Variants in ZPLD1 observed in about 807,000 individuals in gnomAD.
ZPLD1 encodes the protein zona pellucida like domain containing 1.
In ZPLD1, 34 loss-of-function variants were observed where a neutral mutation model predicts 47.2. The observed-to-expected ratio is 0.72, with a 90% CI of 0.55 to 0.96. ZPLD1 has a LOEUF of 0.96. Ranked by LOEUF, ZPLD1 falls within the 40% of genes least tolerant of loss-of-function variation. ZPLD1 has a pLI of 0.00. For missense variants in ZPLD1, 512 were observed against 505.8 expected, an observed-to-expected ratio of 1.01 and a Z score of -0.12; for synonymous variants, 176 against 186.2, an observed-to-expected ratio of 0.95 and a Z score of 0.45.
intron 8 of ZPLD1, among the ~76,000 whole-genome samples, chr3:102,426,098 T>C (rs938769885): frequency 6.6e-6 from 1 of 150,900 alleles, no homozygotes; most frequent in Non-Finnish European, 1.5e-5. Context: ...CTTTAACATT[T>C]TGACATATTT....
chr3:102,454,635 C>A (rs909116627), intron 4 of ZPLD1, among the ~76,000 whole-genome samples: 1 of 152,230 alleles, frequency 6.6e-6, no homozygotes, highest in Non-Finnish European at 1.5e-5. Flanking sequence ...GTGGGCAGAT[C>A]ACCTGAGGTC....
rs532257784 is a variant in ZPLD1 at position 102,444,980 on chromosome 3, A to C, written c.106+6387A>C. 6.8e-4 allele frequency among the ~76,000 whole-genome samples: 104 copies of C among 152,238 alleles called. 1 individual carries two copies. Among genetic ancestry groups the C allele is most frequent in the Non-Finnish European group, 6.9e-4 (47 of 68,010 alleles). ...TTCTGATTCCCCAAGACTGCATGTC[A>C]CACATGCTCAGGAAAGGTCCACTTA... On this transcript the variant is annotated intron_variant, in intron 3 of 11. Transcript: ENST00000466937.
At chr3:102,409,431 G>T (rs955375634) in intron 7 of ZPLD1, among the ~76,000 whole-genome samples, 3 of 151,698 alleles carry the variant, frequency 2.0e-5, no homozygotes, top group African/African-American at 7.3e-5. Context: ...CATGGGTTTT[G>T]GAGGAGACAT....
intron 4 of ZPLD1, among the ~76,000 whole-genome samples, chr3:102,455,377 C>G (rs184225310): frequency 6.6e-5 from 10 of 152,234 alleles, no homozygotes; most frequent in Admixed American, 3.3e-4. Flanking sequence ...GAAAGCTAAG[C>G]AGACCCTAGA....
At chr3:102,423,915 A>G (rs1184233514) in intron 8 of ZPLD1, among the ~76,000 whole-genome samples, 2 of 152,186 alleles carry the variant, frequency 1.3e-5, no homozygotes, top group African/African-American at 4.8e-5. Context: ...TCTACTCTTC[A>G]GCTGTAGATC....
chr3:102,420,160 G>A (rs1445208561), intron 8 of ZPLD1, among the ~76,000 whole-genome samples: 1 of 151,814 alleles, frequency 6.6e-6, no homozygotes, highest in Non-Finnish European at 1.5e-5. Flanking sequence ...TCAATGATGA[G>A]GCAAAGAAAG....
chr3:102,432,311 A>G (rs1031276746), upstream of ZPLD1, among the ~76,000 whole-genome samples: 1 of 152,162 alleles, frequency 6.6e-6, no homozygotes, highest in Non-Finnish European at 1.5e-5. Flanking sequence ...TGCAGTGGAG[A>G]GCCAAGAATT....
chr3:102,457,316 C>T (rs1304977833), intron 5 of ZPLD1, among the ~76,000 whole-genome samples: 1 of 152,162 alleles, frequency 6.6e-6, no homozygotes, highest in Non-Finnish European at 1.5e-5. Context: ...TCACTCTGCC[C>T]CCAGTCCACA....
chr3:102,449,859 G>A (rs1449187613), intron 3 of ZPLD1, among the ~76,000 whole-genome samples: 1 of 152,100 alleles, frequency 6.6e-6, no homozygotes, highest in Admixed American at 6.6e-5. Context: ...AGACAAGAGA[G>A]GACTCCTGTG....
chr3:102,405,711 T>C (rs1231579623), intron 7 of ZPLD1, among the ~76,000 whole-genome samples: 1 of 152,062 alleles, frequency 6.6e-6, no homozygotes, highest in Non-Finnish European at 1.5e-5. Flanking sequence ...TTGTTTCTAA[T>C]TCTGATTTTT....
At chr3:102,455,043 A>G (rs568136212) in intron 4 of ZPLD1, among the ~76,000 whole-genome samples, 7 of 152,318 alleles carry the variant, frequency 4.6e-5, no homozygotes, top group Middle Eastern at 6.8e-3. Flanking sequence ...TGGGAAAAAA[A>G]TTAAGTTGGC....
intron 5 of ZPLD1, among the ~76,000 whole-genome samples, chr3:102,456,755 G>A (rs996438275): frequency 6.6e-6 from 1 of 152,136 alleles, no homozygotes; most frequent in African/African-American, 2.4e-5. Flanking sequence ...CAGTGTGTAC[G>A]ACATTTGGTA....
intron 7 of ZPLD1, among the ~76,000 whole-genome samples, chr3:102,405,870 G>T (rs181301241): frequency 6.6e-6 from 1 of 152,078 alleles, no homozygotes; most frequent in East Asian, 1.9e-4. Flanking sequence ...TCTTTCGCCC[G>T]TTTGGGCCTT....
In ZPLD1 at chr3:102,456,301, C is replaced by G. The variant is rs1055199568; in HGVS notation, c.436C>G (p.Leu146Val). 4.3e-6 allele frequency: 7 copies of G among 1,613,878 alleles called. No homozygotes were observed. Among genetic ancestry groups the G allele is most frequent in the Non-Finnish European group, 5.1e-6 (6 of 1,179,870 alleles). Residue 146 changes from leucine (L) to valine (V), a missense_variant, in exon 5 of 12, where the codon CTA becomes GTA. Leu to Val is a conservative substitution (Grantham distance 32). Transcript: ENST00000466937. Reference sequence around the variant, plus strand: ...AGACCCACCAACAATCATCAGCTATCTACCTGGGCTTCTTTACAAATTTAG... The same window carrying G: ...AGACCCACCAACAATCATCAGCTATGTACCTGGGCTTCTTTACAAATTTAG... The part of the protein sequence containing the change: ...TPDPPTIISY[L>V]PGLLYKFSCS...
At chr3:102,397,969 G>A (rs1046532225) in intron 7 of ZPLD1, among the ~76,000 whole-genome samples, 2 of 152,068 alleles carry the variant, frequency 1.3e-5, no homozygotes, top group African/African-American at 2.4e-5. Flanking sequence ...CTCTTTAAAA[G>A]TGTTTTCTGC....
At chr3:102,444,097 T>C (rs1707220256) in intron 3 of ZPLD1, among the ~76,000 whole-genome samples, 1 of 152,250 alleles carries the variant, frequency 6.6e-6, no homozygotes, top group South Asian at 2.1e-4. Context: ...TTCTCCCATA[T>C]TTTAATAACA....
intron 8 of ZPLD1, among the ~76,000 whole-genome samples, chr3:102,465,641 A>T (rs1707580037): frequency 1.3e-5 from 2 of 152,140 alleles, no homozygotes; most frequent in Non-Finnish European, 2.9e-5. Context: ...CTGGAATATG[A>T]TCATCAGACT....
intron 6 of ZPLD1, among the ~76,000 whole-genome samples, chr3:102,385,530 A>G (rs1381301567): frequency 6.6e-6 from 1 of 152,216 alleles, no homozygotes; most frequent in Non-Finnish European, 1.5e-5. Flanking sequence ...ATCTAAACAC[A>G]TTATTACAAA....
At chr3:102,421,901 C>T (rs917143907) in intron 8 of ZPLD1, among the ~76,000 whole-genome samples, 11 of 151,084 alleles carry the variant, frequency 7.3e-5, no homozygotes, top group African/African-American at 2.7e-4. Context: ...TTTCTAGACC[C>T]CCAAGTCCCA....
Sources: allele counts gnomAD v4.1 joint callset (sites outside exome capture counted in the v4.1 genomes callset), GRCh38; gene constraint gnomAD v4.1.1; transcripts MANE v1.5; gene names NCBI Gene and HGNC (gene_info 2026-07-23, HGNC 2026-07-21).